The following SLC44A4 variants were observed in gnomAD, a reference collection of about 807,000 sequenced individuals.
SLC44A4 encodes the protein solute carrier family 44 member 4.
A neutral mutation model predicts 97.0 loss-of-function variants in SLC44A4; 74 were observed. The ratio of observed to expected loss-of-function variants is 0.76; its 90% confidence interval spans 0.63 to 0.93. The LOEUF (loss-of-function observed/expected upper bound fraction) is 0.93. Among genes scored for constraint, SLC44A4 ranks in the 40% least tolerant of loss-of-function variants. The pLI, the probability that SLC44A4 is intolerant of heterozygous loss-of-function variation, is 0.00. For synonymous variants in SLC44A4, 325 were observed against 363.8 expected (o/e 0.89, Z 1.21); for missense variants, 799 against 902.9 (o/e 0.88, Z 1.48).
In SLC44A4 at chr6:31,878,587, C is replaced by G. The variant is rs1763583794; in HGVS notation, c.40+354G>C. On this transcript the variant is annotated intron_variant, in intron 1 of 20. Coordinates refer to ENST00000229729, the MANE Select transcript of SLC44A4 (RefSeq NM_025257.3). This position sits in a 1 kb window ranked among gnomAD's most constrained non-coding sequence, Gnocchi z 4.0. The stretch of plus-strand genomic sequence containing the variant: ...TCCCAGCATCCAGCCCTATTCTGCT[C>G]AGGGCCCCAACCTGCCACCTTCCAT... Among the ~76,000 whole-genome samples the G allele has an allele frequency of 6.6e-6, 1 of 152,190 alleles. No individual in the cohort carries two copies. Among genetic ancestry groups the G allele is most frequent in the Non-Finnish European group, 1.5e-5 (1 of 68,028 alleles).
At position 31,875,013 on chromosome 6, in the gene SLC44A4, G is replaced by A; in HGVS notation, c.258C>T (p.Leu86=). ...TGCAGCTGAAGATGTTGAAGTACAG[G>A]AGATACGGCTTATCTCTGTGGGAGG... ...GMGENKDKPY[L]LYFNIFSCIL... Residue 86 remains leucine (L), a synonymous_variant, in exon 5 of 21, where the codon CTC becomes CTT. Coordinates refer to ENST00000229729, the MANE Select transcript of SLC44A4 (RefSeq NM_025257.3). The A allele has an allele frequency of 6.2e-7, 1 of 1,612,504 alleles. No individual in the cohort carries two copies. The highest frequency in any genetic ancestry group is 1.7e-5 in the Admixed American group (1 of 60,004).
chr6:31,871,304 G>C lies in SLC44A4; in HGVS notation c.701+10C>G, dbSNP rs750144144. On this transcript the variant is annotated intron_variant, in intron 9 of 20. Transcript: ENST00000229729. ...CAAGGACACAAGAGGAGGGGAATCT[G>C]GTGACTCACACAAGAATCCAATACC... is the stretch of plus-strand genomic sequence containing the variant. 6.2e-7 allele frequency: 1 copy of C among 1,609,490 alleles called. No homozygotes were observed.
In SLC44A4 at chr6:31,878,913, A is replaced by T; in HGVS notation, c.40+28T>A. 1 of 1,612,768 alleles carries T rather than the reference A, an allele frequency of 6.2e-7. No individual in the cohort carries two copies. Among genetic ancestry groups the T allele is most frequent in the Non-Finnish European group, 8.5e-7 (1 of 1,179,098 alleles). On this transcript the variant is annotated intron_variant, in intron 1 of 20. Coordinates refer to ENST00000229729, the MANE Select transcript of SLC44A4 (RefSeq NM_025257.3). This position sits in a 1 kb window ranked among gnomAD's most constrained non-coding sequence, Gnocchi z 4.0. ...AGTACCCGTCCTCCCCTCCCTCCACAGGGTCCCGGGCCTCGCCCCAGTCTC... is the reference window on the plus strand; with the variant it reads ...AGTACCCGTCCTCCCCTCCCTCCACTGGGTCCCGGGCCTCGCCCCAGTCTC...
intron 9 of SLC44A4, 119 bp downstream of exon 9, chr6:31,871,195 T>G: frequency 7.8e-7 from 1 of 1,289,852 alleles, no homozygotes; most frequent in South Asian, 1.2e-5. Context: ...TGGAATCCAT[T>G]CGGAGCTCTG....
rs188972261 is a variant in SLC44A4, at chr6:31,865,296, G to A, written c.1760+19C>T. 1.7e-4 allele frequency: 276 copies of A among 1,604,632 alleles called. No homozygotes were observed. The highest frequency in any genetic ancestry group is 2.1e-4 in the Non-Finnish European group (246 of 1,173,458). ...AGATCAGAGGAGGGAGCCACAAAGC[G>A]GGGGGGGAGCAGCCTAACCTGACAA... is the stretch of plus-strand genomic sequence containing the variant. On this transcript the variant is annotated intron_variant, in intron 17 of 20. Transcript: ENST00000229729. This position sits in a 1 kb window ranked among gnomAD's most constrained non-coding sequence, Gnocchi z 5.2.
In SLC44A4 at chr6:31,877,623, C is replaced by G; in HGVS notation, c.41-541G>C. On this transcript the variant is annotated intron_variant, in intron 1 of 20. Coordinates refer to ENST00000229729, the MANE Select transcript of SLC44A4 (RefSeq NM_025257.3). The surrounding 1 kb of genome is among the most constrained non-coding windows in gnomAD (Gnocchi z 6.5). ...ACAAAGGTGTCAACCCCAGCAGGGC[C>G]TGGGGAGGGAAGCGGCCCTGTACAT... The G allele has an allele frequency of 2.0e-6, 2 of 987,104 alleles. No homozygotes were observed. The highest frequency in any genetic ancestry group is 2.4e-6 in the Non-Finnish European group (2 of 831,014). 61.1% of individuals were successfully genotyped at this position (987,104 alleles called of 1,614,324 possible).
Position 31,865,106 on chromosome 6 carries a change from A to C in SLC44A4, c.1761-26T>G. ...CTGTGCCAGAAGTTAGGGCAGGTTG[A>C]GGGTGAGAGGCCTGGCAATGCTGAG... On this transcript the variant is annotated intron_variant, in intron 17 of 20. Transcript: ENST00000229729. The surrounding 1 kb of genome is among the most constrained non-coding windows in gnomAD (Gnocchi z 5.2). The C allele has an allele frequency of 1.2e-6, 2 of 1,612,200 alleles. No individual in the cohort carries two copies. The highest frequency in any genetic ancestry group is 1.7e-6 in the Non-Finnish European group (2 of 1,179,050).
At position 31,877,512 on chromosome 6, in the gene SLC44A4, C is replaced by A; in HGVS notation, c.41-430G>T. 1.3e-6 allele frequency: 1 copy of A among 787,778 alleles called. No homozygotes were observed. Among genetic ancestry groups the A allele is most frequent in the Non-Finnish European group, 1.6e-6 (1 of 640,544 alleles). The allele number at this position is 787,778 out of a possible 1,614,324, so 48.8% of individuals were successfully genotyped here. A position where few individuals can be genotyped will look rare whatever the true frequency, so the allele number is the denominator to read the frequency against. On this transcript the variant is annotated intron_variant, in intron 1 of 20. Transcript: ENST00000229729. This position sits in a 1 kb window ranked among gnomAD's most constrained non-coding sequence, Gnocchi z 6.5. ...CCAGGGACCACACAGACCCACAGCCCCTCAGGGAGGTCATGGCCTCTTCCC... is the reference window on the plus strand; with the variant it reads ...CCAGGGACCACACAGACCCACAGCCACTCAGGGAGGTCATGGCCTCTTCCC...
chr6:31,875,800 C>T, intron 4 of SLC44A4, 52 bp downstream of exon 4: 1 of 1,505,340 alleles, frequency 6.6e-7, no homozygotes, highest in Non-Finnish European at 9.1e-7. Flanking sequence ...GTGTCTCCTG[C>T]CCACCCTACC....
Position 31,870,896 on chromosome 6 carries a change from C to T in SLC44A4, c.853G>A (p.Asp285Asn), listed in dbSNP as rs1264852436. The T allele has an allele frequency of 6.2e-7, 1 of 1,613,032 alleles. No individual in the cohort carries two copies. Among genetic ancestry groups the T allele is most frequent in the Middle Eastern group, 1.7e-4 (1 of 6,060 alleles). Residue 285 changes from aspartate to asparagine, a missense_variant, in exon 10 of 21, where the codon GAC becomes AAC. Coordinates refer to ENST00000229729, the MANE Select transcript of SLC44A4 (RefSeq NM_025257.3). Reference protein sequence around the residue: ...YCWEEYRVLRDKGASISQLGF... With the variant: ...YCWEEYRVLRNKGASISQLGF... ...AGCTGGGAGATGGAGGCGCCCTTGT[C>T]CCGCAGCACTCGGTACTCCTCCCAG...
intron 18 of SLC44A4, 37 bp downstream of exon 18, chr6:31,864,973 C>T: frequency 6.2e-7 from 1 of 1,613,944 alleles, no homozygotes; most frequent in South Asian, 1.1e-5. Context: ...CTGCCCAGCA[C>T]CCCTACCCTC....
At position 31,871,378 on chromosome 6, in the gene SLC44A4, T is replaced by A; in HGVS notation, c.637A>T (p.Asn213Tyr). 1 of 1,614,082 alleles carries A rather than the reference T, an allele frequency of 6.2e-7. No individual in the cohort carries two copies. Reference sequence around the variant, plus strand: ...ATCTTAACACTGATGTCTCGGGCATTGAGGCTGTCAATAAGACCGCTGTTG... The same window carrying A: ...ATCTTAACACTGATGTCTCGGGCATAGAGGCTGTCAATAAGACCGCTGTTG... ...QGISGLIDSLNARDISVKIFE... is the reference protein window; with the variant it reads ...QGISGLIDSLYARDISVKIFE... Residue 213 changes from asparagine (N) to tyrosine (Y), a missense_variant, in exon 9 of 21, where the codon AAT becomes TAT. Physicochemically the swap from Asn to Tyr is moderately radical, Grantham distance 143. Around this residue, in one of 3 missense-constraint regions of SLC44A4, gnomAD observed 409 missense variants for 434.1 expected, o/e 0.94. Coordinates refer to ENST00000229729, the MANE Select transcript of SLC44A4 (RefSeq NM_025257.3).
Position 31,869,170 on chromosome 6 carries a change from T to C in SLC44A4, c.1218A>G (p.Thr406=). Residue 406 remains threonine (T), a synonymous_variant, in exon 13 of 21, where the codon ACA becomes ACG. Coordinates refer to ENST00000229729, the MANE Select transcript of SLC44A4 (RefSeq NM_025257.3). The stretch of plus-strand genomic sequence containing the variant: ...TTCCTCTTACCGTGGGGTTGCATGA[T>C]GTATTTATTGGCACTTTCTCACAGC... ...SPGCEKVPIN[T]SCNPTAHLVN... is the part of the protein sequence containing the mutation. The C allele has an allele frequency of 6.2e-7, 1 of 1,608,958 alleles. No individual in the cohort carries two copies. The highest frequency in any genetic ancestry group is 8.5e-7 in the Non-Finnish European group (1 of 1,177,966).
intron 4 of SLC44A4, 82 bp from the exon 5 acceptor site, chr6:31,875,110 G>A (rs1263228690): frequency 8.1e-6 from 9 of 1,113,688 alleles, no homozygotes; most frequent in African/African-American, 4.6e-5. Flanking sequence ...GGCTTCTCAA[G>A]AATACAGTGG....
Position 31,878,786 on chromosome 6 carries a change from A to C in SLC44A4, c.40+155T>G. Among the ~76,000 whole-genome samples the C allele has an allele frequency of 6.8e-6, 1 of 147,532 alleles. No individual in the cohort carries two copies. Among genetic ancestry groups the C allele is most frequent in the Non-Finnish European group, 1.5e-5 (1 of 66,828 alleles). Reference sequence around the variant, plus strand: ...GCCCCATCCTCCTCCCAGGACCCTGACTCCCTCCCTCCATGGCTCCCGGTT... The same window carrying C: ...GCCCCATCCTCCTCCCAGGACCCTGCCTCCCTCCCTCCATGGCTCCCGGTT... On this transcript the variant is annotated intron_variant, in intron 1 of 20. Transcript: ENST00000229729. The surrounding 1 kb of genome is among the most constrained non-coding windows in gnomAD (Gnocchi z 4.0).
Position 31,865,276 on chromosome 6 carries a change from A to G in SLC44A4, c.1760+39T>C. On this transcript the variant is annotated intron_variant, in intron 17 of 20. Transcript: ENST00000229729. This position sits in a 1 kb window ranked among gnomAD's most constrained non-coding sequence, Gnocchi z 5.2. ...CGAAGCCAGCCTTGGGTGGGAGATC[A>G]GAGGAGGGAGCCACAAAGCGGGGGG... 5 of 1,611,368 alleles carry G rather than the reference A, an allele frequency of 3.1e-6. No individual in the cohort carries two copies. Among genetic ancestry groups the G allele is most frequent in the Non-Finnish European group, 3.4e-6 (4 of 1,177,648 alleles).
At position 31,877,866 on chromosome 6, in the gene SLC44A4, G is replaced by C. The variant is rs1763527435; in HGVS notation, c.41-784C>G. On this transcript the variant is annotated intron_variant, in intron 1 of 20. Transcript: ENST00000229729. The surrounding 1 kb of genome is among the most constrained non-coding windows in gnomAD (Gnocchi z 6.5). The stretch of plus-strand genomic sequence containing the variant: ...GAGGGCTGGGCAGGAGTCTGGGAAG[G>C]AGCGGGTGGGGTCCACTTTCCCCAG... 6.6e-6 allele frequency: 1 copy of C among 152,612 alleles called. No homozygotes were observed. Among genetic ancestry groups the C allele is most frequent in the Non-Finnish European group, 1.5e-5 (1 of 68,462 alleles). 9.5% of individuals were successfully genotyped at this position (152,612 alleles called of 1,614,324 possible).
At chr6:31,866,312 C>T (rs1229517451) in intron 13 of SLC44A4, among the ~76,000 whole-genome samples, 186 bp from the exon 14 acceptor site, 2 of 152,126 alleles carry the variant, frequency 1.3e-5, no homozygotes, top group East Asian at 3.9e-4. Flanking sequence ...GTTTGGTCTG[C>T]CTATAGCATA....
Position 31,874,524 on chromosome 6 carries a change from T to C in SLC44A4, c.469-4A>G. 1 of 1,612,570 alleles carries C rather than the reference T, an allele frequency of 6.2e-7. No homozygotes were observed. Among genetic ancestry groups the C allele is most frequent in the Non-Finnish European group, 8.5e-7 (1 of 1,179,740 alleles). ...GTTGCAGGCTTGTGATCACCGTCTG[T>C]GGCAGGAGTGAAAGGACAGACACAC... On this transcript the variant is annotated splice_polypyrimidine_tract_variant and splice_region_variant and intron_variant, in intron 6 of 20. Transcript: ENST00000229729. The surrounding 1 kb of genome is among the most constrained non-coding windows in gnomAD (Gnocchi z 4.8).
Sources: gnomAD v4.1 joint callset for allele counts (sites outside exome capture counted in the v4.1 genomes callset) on GRCh38, gnomAD v4.1.1 for gene constraint, gnomAD v4.1.1 regional missense constraint, Gnocchi (gnomAD v3.1) non-coding constraint, MANE v1.5 for transcripts, NCBI Gene and HGNC (gene_info 2026-07-23, HGNC 2026-07-21) for gene names.